Variants in CLMP observed in about 807,000 individuals in gnomAD.
CLMP encodes CXADR-like membrane protein.
A neutral mutation model predicts 45.2 loss-of-function variants in CLMP; 27 were observed. That is an observed-to-expected ratio of 0.60 (90% confidence interval 0.44 to 0.82). The LOEUF (loss-of-function observed/expected upper bound fraction) is 0.82. Among genes scored for constraint, CLMP ranks in the 40% least tolerant of loss-of-function variants. The pLI is 0.00. For synonymous variants in CLMP, 167 were observed against 171.4 expected (o/e 0.97, Z 0.20); for missense variants, 403 against 448.4 (o/e 0.90, Z 0.91).
At chr11:123,149,607 A>G (rs1861283880) in intron 1 of CLMP, among the ~76,000 whole-genome samples, 2 of 152,124 alleles carry the variant, frequency 1.3e-5, no homozygotes, top group Admixed American at 1.3e-4. Context: ...GGTTTGGTCA[A>G]TCTTGAGTTC....
At chr11:123,074,959 G>GTT (rs113357442) in intron 5 of CLMP, 116 bp from the exon 6 acceptor site, 13,748 of 926,130 alleles carry the variant, frequency 0.015, 156 homozygotes, top group East Asian at 0.15. Context: ...TGTTTGTTTT[G>GTT]TTTTTTTTTT....
At chr11:123,169,283 G>A (rs1354659076) in intron 1 of CLMP, among the ~76,000 whole-genome samples, 1 of 152,194 alleles carries the variant, frequency 6.6e-6, no homozygotes, top group Non-Finnish European at 1.5e-5. Context: ...GGAGCCAAGA[G>A]CCCTGCTGGG....
Position 123,106,422 on chromosome 11 carries a change from TGTGCGCGCGC to T in CLMP, c.29-8480_29-8471del, listed in dbSNP as rs1455014208. 4.6e-5 allele frequency among the ~76,000 whole-genome samples: 4 copies of T among 86,300 alleles called. No individual in the cohort carries two copies. In the East Asian group the frequency reaches 9.9e-4, roughly 21 times the overall value. 56.6% of individuals were successfully genotyped at this position (86,300 alleles called of 152,430 possible). ...GTGTGTGTGTGTGTGTGTGTGTGTG[TGTGCGCGCGC>T]GCGCGCGCACGTGCCTGCCTTCCAG... On this transcript the variant is annotated intron_variant, in intron 1 of 6. Coordinates refer to ENST00000448775, the MANE Select transcript of CLMP (RefSeq NM_024769.5).
intron 1 of CLMP, among the ~76,000 whole-genome samples, chr11:123,190,001 CAA>C (rs10594946): frequency 0.53 from 69,283 of 129,672 alleles, 18,316 homozygotes; most frequent in East Asian, 0.67. Flanking sequence ...GACTCTGTCT[CAA>C]AAAAAAAAAA....
chr11:123,190,001 C>CAAAAAAAAAAAAA, intron 1 of CLMP, among the ~76,000 whole-genome samples: 1 of 129,514 alleles, frequency 7.7e-6, no homozygotes. Flanking sequence ...GACTCTGTCT[C>CAAAAAAAAAAAAA]AAAAAAAAAA....
chr11:123,189,146 A>G (rs1281936829), intron 1 of CLMP, among the ~76,000 whole-genome samples: 1 of 152,166 alleles, frequency 6.6e-6, no homozygotes, highest in Non-Finnish European at 1.5e-5. Flanking sequence ...ACATTTCTTA[A>G]CCATTGGAAT....
rs1294953950 is a variant in CLMP, at chr11:123,072,025, T to A, written c.*1449A>T. On this transcript the variant is annotated 3_prime_UTR_variant, in exon 7 of 7. Transcript: ENST00000448775. ...CCCTCTCCTGCCACCCACTACTTAT[T>A]CTCATCTCTTCCCTAAATATTAGTA... 1 of 152,178 alleles carries A rather than the reference T, an allele frequency of 6.6e-6. No individual in the cohort carries two copies. The allele number at this position is 152,178 out of a possible 1,614,324, so 9.4% of individuals were successfully genotyped here. A position where few individuals can be genotyped will look rare whatever the true frequency, so the allele number is the denominator to read the frequency against.
At chr11:123,186,613 C>G (rs183542947) in intron 1 of CLMP, among the ~76,000 whole-genome samples, 15 of 152,066 alleles carry the variant, frequency 9.9e-5, no homozygotes. Flanking sequence ...ATCTCCGCCT[C>G]CCAGGTTTGA....
intron 1 of CLMP, among the ~76,000 whole-genome samples, chr11:123,191,830 C>T (rs1005968968): frequency 3.3e-5 from 5 of 152,188 alleles, no homozygotes; most frequent in Non-Finnish European, 7.3e-5. Context: ...ACATGGTTCA[C>T]AGGTGAATGA....
In CLMP at chr11:123,128,051, A is replaced by C. The variant is rs573512800; in HGVS notation, c.29-30099T>G. 3.9e-4 allele frequency among the ~76,000 whole-genome samples: 60 copies of C among 151,958 alleles called. 3 individuals carry two copies. In the South Asian group the frequency reaches 7.9e-3, roughly 20 times the overall value. ...ACTCTGTCTCAAAAAAAAAAAAAAA[A>C]AAGGTAATACATCAGACCAAGTAGG... On this transcript the variant is annotated intron_variant, in intron 1 of 6. Transcript: ENST00000448775.
chr11:123,158,348 C>T (rs1861442275), intron 1 of CLMP, among the ~76,000 whole-genome samples: 1 of 152,180 alleles, frequency 6.6e-6, no homozygotes, highest in South Asian at 2.1e-4. Context: ...TAATAAAATG[C>T]TTCTCTCCTG....
rs371967873 is a variant in CLMP, at chr11:123,159,989, A to C, written c.28+34924T>G. Among the ~76,000 whole-genome samples, 22 of 152,236 alleles carry C rather than the reference A, an allele frequency of 1.4e-4. No homozygotes were observed. In the East Asian group the frequency reaches 1.9e-3, roughly 13 times the overall value. ...ACCCTGGTGGTAAGAATTTGTTTCA[A>C]TAATCCCGGCTGGGTGCGGTGGCCC... On this transcript the variant is annotated intron_variant, in intron 1 of 6. Transcript: ENST00000448775.
chr11:123,081,048 G>A (rs1035369356), intron 5 of CLMP, among the ~76,000 whole-genome samples: 4 of 152,218 alleles, frequency 2.6e-5, no homozygotes, highest in Admixed American at 2.6e-4. Flanking sequence ...CGCTACTCGG[G>A]AGGCTGAAGC....
chr11:123,085,928 C>A (rs963637433), intron 2 of CLMP, among the ~76,000 whole-genome samples: 1 of 151,974 alleles, frequency 6.6e-6, no homozygotes, highest in African/African-American at 2.4e-5. Context: ...AGATGCATGC[C>A]ACCATGACTC....
Position 123,142,621 on chromosome 11 carries a change from CT to C in CLMP, c.29-44670del, listed in dbSNP as rs71057336. Among the ~76,000 whole-genome samples the C allele has an allele frequency of 1.3e-3, 156 of 123,226 alleles. 1 individual carries two copies. Among genetic ancestry groups the C allele is most frequent in the South Asian group, 4.5e-3 (16 of 3,594 alleles). The allele number at this position is 123,226 out of a possible 152,430, so 80.8% of individuals were successfully genotyped here. A position where few individuals can be genotyped will look rare whatever the true frequency, so the allele number is the denominator to read the frequency against. Reference sequence around the variant, plus strand: ...TGAGGTTCTTGGCTGGATGAGGTTTCTTTTTTTTTTTTTTTTTGAGACGGAG... The same window carrying C: ...TGAGGTTCTTGGCTGGATGAGGTTTCTTTTTTTTTTTTTTTTGAGACGGAG... On this transcript the variant is annotated intron_variant, in intron 1 of 6. Transcript: ENST00000448775.
intron 1 of CLMP, among the ~76,000 whole-genome samples, chr11:123,171,079 G>A (rs1026000164): frequency 6.6e-6 from 1 of 152,298 alleles, no homozygotes; most frequent in South Asian, 2.1e-4. Flanking sequence ...TGGGGTTGAC[G>A]GGCAAGGTTT....
At chr11:123,166,432 T>C (rs1861557309) in intron 1 of CLMP, among the ~76,000 whole-genome samples, 1 of 152,244 alleles carries the variant, frequency 6.6e-6, no homozygotes, top group South Asian at 2.1e-4. Flanking sequence ...CAGAGTCTGC[T>C]GCGTGGAATC....
intron 1 of CLMP, among the ~76,000 whole-genome samples, chr11:123,104,776 C>T (rs1231142213): frequency 6.6e-6 from 1 of 152,140 alleles, no homozygotes. Flanking sequence ...GCAGTCTGAC[C>T]ATCCTGTGGC....
At chr11:123,183,099 T>C (rs895114087) in intron 1 of CLMP, among the ~76,000 whole-genome samples, 1 of 152,202 alleles carries the variant, frequency 6.6e-6, no homozygotes, top group African/African-American at 2.4e-5. Flanking sequence ...TATAATGTTT[T>C]TCCCCTTCCA....
Sources: gnomAD v4.1 joint callset for allele counts (sites outside exome capture counted in the v4.1 genomes callset) on GRCh38, gnomAD v4.1.1 for gene constraint, MANE v1.5 for transcripts, NCBI Gene and HGNC (gene_info 2026-07-23, HGNC 2026-07-21) for gene names.